Variants in ASCC1 observed in about 807,000 individuals in gnomAD.
ASCC1 encodes the protein activating signal cointegrator 1 complex subunit 1.
A neutral mutation model predicts 46.6 loss-of-function variants in ASCC1; 35 were observed. The observed-to-expected ratio is 0.75, with a 90% CI of 0.57 to 0.99. ASCC1 has a LOEUF of 0.99. ASCC1 is among the 50% of genes least tolerant of loss of function. The pLI is 0.00. For missense variants in ASCC1, 376 were observed against 428.7 expected, an observed-to-expected ratio of 0.88 and a Z score of 1.09; for synonymous variants, 143 against 146.6, an observed-to-expected ratio of 0.98 and a Z score of 0.18.
intron 9 of ASCC1, among the ~76,000 whole-genome samples, chr10:72,124,490 A>G (rs1426783588): frequency 6.6e-6 from 1 of 152,184 alleles, no homozygotes; most frequent in Non-Finnish European, 1.5e-5. Flanking sequence ...GCTTTTGAAC[A>G]GTTAACATTG....
chr10:72,190,425 TC>T, intron 5 of ASCC1: 1 of 1,597,822 alleles, frequency 6.3e-7, no homozygotes, highest in Non-Finnish European at 8.5e-7. Context: ...ACCAAACCAG[TC>T]CACAACCACA....
intron 6 of ASCC1, among the ~76,000 whole-genome samples, chr10:72,154,979 CTG>C (rs1280553439): frequency 2.6e-5 from 4 of 152,016 alleles, no homozygotes; most frequent in South Asian, 2.1e-4. Flanking sequence ...ACATTAAAAA[CTG>C]ATATAAAATG....
intron 6 of ASCC1, chr10:72,159,065 T>G (rs1849320694): frequency 6.6e-6 from 1 of 152,194 alleles, no homozygotes; most frequent in African/African-American, 2.4e-5. Flanking sequence ...AGAAGAAGGT[T>G]GGGGAGGCTT....
intron 4 of ASCC1, among the ~76,000 whole-genome samples, chr10:72,200,180 T>C (rs1264229429): frequency 2.0e-5 from 3 of 152,144 alleles, no homozygotes; most frequent in African/African-American, 7.2e-5. Context: ...GTTATAATTT[T>C]ACTGCAATAA....
intron 3 of ASCC1, among the ~76,000 whole-genome samples, chr10:72,210,108 G>A (rs975241284): frequency 6.6e-6 from 1 of 151,612 alleles, no homozygotes; most frequent in South Asian, 2.1e-4. Context: ...CCAGATGCTG[G>A]TGCCATGCTT....
At chr10:72,214,247 C>A (rs1858682688) in intron 1 of ASCC1, among the ~76,000 whole-genome samples, 1 of 151,746 alleles carries the variant, frequency 6.6e-6, no homozygotes, top group South Asian at 2.1e-4. Context: ...ATTATAAATG[C>A]CCGTATATAA....
Position 72,097,294 on chromosome 10 carries a change from G to T in ASCC1, c.*40C>A. The T allele has an allele frequency of 7.4e-7, 1 of 1,350,420 alleles. No individual in the cohort carries two copies. Among genetic ancestry groups the T allele is most frequent in the Non-Finnish European group, 1.1e-6 (1 of 941,138 alleles). The allele number at this position is 1,350,420 out of a possible 1,614,324, so 83.7% of individuals were successfully genotyped here. On this transcript the variant is annotated 3_prime_UTR_variant, in exon 10 of 10. Coordinates refer to ENST00000672957, the MANE Select transcript of ASCC1 (RefSeq NM_001198800.3). ...ACGAAGACACTTTTCTTCAGCACCT[G>T]GTGAAGATGTTTAGTTTCTAGTGCT...
At chr10:72,106,873 T>C (rs1293343012) in intron 9 of ASCC1, among the ~76,000 whole-genome samples, 1 of 152,202 alleles carries the variant, frequency 6.6e-6, no homozygotes, top group African/African-American at 2.4e-5. Context: ...TACAGGCCAG[T>C]GGAAGGCCAC....
chr10:72,167,502 T>C (rs937291977), intron 5 of ASCC1, among the ~76,000 whole-genome samples: 3 of 152,176 alleles, frequency 2.0e-5, no homozygotes, highest in African/African-American at 7.2e-5. Flanking sequence ...GGAAATGTTC[T>C]AAAGCTGAAT....
chr10:72,210,190 A>C (rs1277168234), intron 3 of ASCC1, among the ~76,000 whole-genome samples: 9 of 131,988 alleles, frequency 6.8e-5, no homozygotes, highest in African/African-American at 1.2e-4. Context: ...ACTAAGTTTC[A>C]CTCTTGTTGC....
chr10:72,126,968 T>C (rs1330586337), intron 9 of ASCC1, among the ~76,000 whole-genome samples: 1 of 152,196 alleles, frequency 6.6e-6, no homozygotes, highest in African/African-American at 2.4e-5. Context: ...GACACTGCCC[T>C]ATTGGGCTCC....
chr10:72,173,968 G>T (rs556842594), intron 5 of ASCC1, among the ~76,000 whole-genome samples: 1 of 152,380 alleles, frequency 6.6e-6, no homozygotes, highest in African/African-American at 2.4e-5. Context: ...GAGAAGCAAA[G>T]AGTGAAGTAA....
At chr10:72,143,033 C>A (rs965147287) in intron 7 of ASCC1, among the ~76,000 whole-genome samples, 1 of 151,642 alleles carries the variant, frequency 6.6e-6, no homozygotes, top group African/African-American at 2.4e-5. Context: ...TGGTAGTGGG[C>A]GCCTGTAGTC....
intron 1 of ASCC1, 160 bp downstream of exon 1, chr10:72,216,047 G>T (rs1243401640): frequency 6.6e-6 from 1 of 152,356 alleles, no homozygotes; most frequent in Non-Finnish European, 1.5e-5. Context: ...CTGTTGGGGG[G>T]CGAACACGCC....
chr10:72,118,501 T>C (rs1191856990), intron 9 of ASCC1, among the ~76,000 whole-genome samples: 1 of 151,084 alleles, frequency 6.6e-6, no homozygotes, highest in Non-Finnish European at 1.5e-5. Flanking sequence ...ACTTTCTGGC[T>C]GGGCATGGTG....
chr10:72,140,673 G>C lies in ASCC1; in HGVS notation c.747-7492C>G, dbSNP rs143999766. On this transcript the variant is annotated intron_variant, in intron 7 of 9. Coordinates refer to ENST00000672957, the MANE Select transcript of ASCC1 (RefSeq NM_001198800.3). ...TGAGGAGGAAAACTCAAGAGTTGGA[G>C]GAGGGGGAAAAGGAACTGTTTAATT... Among the ~76,000 whole-genome samples the C allele has an allele frequency of 8.3e-4, 127 of 152,274 alleles. 2 individuals carry two copies. The highest frequency in any genetic ancestry group is 3.0e-3 in the African/African-American group (124 of 41,544).
At position 72,213,181 on chromosome 10, in the gene ASCC1, G is replaced by T. The variant is rs757830646; in HGVS notation, c.112+6C>A. 6.3e-7 allele frequency: 1 copy of T among 1,588,318 alleles called. No individual in the cohort carries two copies. Among genetic ancestry groups the T allele is most frequent in the East Asian group, 2.2e-5 (1 of 44,644 alleles). On this transcript the variant is annotated splice_donor_region_variant and intron_variant, in intron 2 of 9. Coordinates refer to ENST00000672957, the MANE Select transcript of ASCC1 (RefSeq NM_001198800.3). The stretch of plus-strand genomic sequence containing the variant: ...TCTTATCTGACCAAAGAGCAACTAG[G>T]ATTACCTTGATAGAAGTCCTCTTCA...
chr10:72,153,763 C>G (rs1028814067), intron 6 of ASCC1, among the ~76,000 whole-genome samples: 2 of 149,408 alleles, frequency 1.3e-5, no homozygotes, highest in South Asian at 4.3e-4. Context: ...TTTTGCTAGT[C>G]GCCCAGGCTG....
At chr10:72,193,603 T>C (rs954490788) in intron 5 of ASCC1, among the ~76,000 whole-genome samples, 1 of 152,026 alleles carries the variant, frequency 6.6e-6, no homozygotes, top group Non-Finnish European at 1.5e-5. Flanking sequence ...CTATTCTGTA[T>C]CCTAATTGTT....
Sources: allele counts gnomAD v4.1 joint callset (sites outside exome capture counted in the v4.1 genomes callset), GRCh38; gene constraint gnomAD v4.1.1; transcripts MANE v1.5; gene names NCBI Gene and HGNC (gene_info 2026-07-23, HGNC 2026-07-21).